LCLAT1: variants seen among roughly 807,000 people sequenced by gnomAD.
The protein encoded by LCLAT1 is 1-AGP acyltransferase 8.
LCLAT1 carries 11 observed loss-of-function variants against 30.7 expected under a neutral mutation model. That is an observed-to-expected ratio of 0.36 (90% CI 0.23 to 0.59). The LOEUF (loss-of-function observed/expected upper bound fraction) is 0.59. LCLAT1 is among the 20% of genes least tolerant of loss of function. The pLI, the probability that LCLAT1 is intolerant of heterozygous loss-of-function variation, is 0.77. For synonymous variants in LCLAT1, 155 were observed against 151.3 expected (o/e 1.02, Z -0.18); for missense variants, 402 against 458.6 (o/e 0.88, Z 1.13).
chr2:30,584,866 C>T (rs1174258873), intron 5 of LCLAT1, among the ~76,000 whole-genome samples: 3 of 149,454 alleles, frequency 2.0e-5, no homozygotes, highest in East Asian at 2.0e-4. Context: ...TCCTTTGTGC[C>T]GGTGATTTGG....
intron 3 of LCLAT1, among the ~76,000 whole-genome samples, chr2:30,543,019 G>A (rs1664222043): frequency 7.0e-6 from 1 of 143,068 alleles, no homozygotes; most frequent in African/African-American, 2.6e-5. Flanking sequence ...TAGAAGTGTT[G>A]AGGGCAGACA....
At chr2:30,470,896 T>TTTTA (rs1175336993) in intron 1 of LCLAT1, among the ~76,000 whole-genome samples, 6 of 151,560 alleles carry the variant, frequency 4.0e-5, no homozygotes, top group Non-Finnish European at 7.4e-5. Flanking sequence ...TTTATTTTCA[T>TTTTA]TTTATTTATT....
chr2:30,523,471 A>G (rs1440225457), intron 1 of LCLAT1, among the ~76,000 whole-genome samples: 5 of 152,124 alleles, frequency 3.3e-5, no homozygotes, highest in Admixed American at 1.3e-4. Context: ...CCACTTCTTT[A>G]AAGTTTAGGT....
At chr2:30,520,027 C>G (rs1017710365) in intron 1 of LCLAT1, among the ~76,000 whole-genome samples, 5 of 152,196 alleles carry the variant, frequency 3.3e-5, no homozygotes, top group Non-Finnish European at 5.9e-5. Flanking sequence ...TTCTGTGCGG[C>G]TAAGTGCGCG....
At chr2:30,489,693 G>A (rs1214189488) in intron 1 of LCLAT1, among the ~76,000 whole-genome samples, 1 of 152,182 alleles carries the variant, frequency 6.6e-6, no homozygotes, top group Admixed American at 6.5e-5. Flanking sequence ...TGGGGAAAGA[G>A]CCTATTCTGT....
intron 1 of LCLAT1, among the ~76,000 whole-genome samples, chr2:30,487,395 C>G (rs541087925): frequency 6.6e-6 from 1 of 152,150 alleles, no homozygotes; most frequent in Non-Finnish European, 1.5e-5. Context: ...TTGAAACAAA[C>G]ATAAAATAGT....
At chr2:30,520,430 C>T (rs1160189169) in intron 1 of LCLAT1, among the ~76,000 whole-genome samples, 2 of 152,160 alleles carry the variant, frequency 1.3e-5, no homozygotes, top group Non-Finnish European at 2.9e-5. Flanking sequence ...TAATACATGG[C>T]TTGAAAAGGA....
At chr2:30,494,078 C>A (rs1449615182) in intron 1 of LCLAT1, among the ~76,000 whole-genome samples, 10 of 151,728 alleles carry the variant, frequency 6.6e-5, no homozygotes, top group African/African-American at 2.4e-4. Context: ...AATAATTGGC[C>A]AGGTTATGAT....
rs757262164 is a variant in LCLAT1 at position 30,568,106 on chromosome 2, T to G, written c.558T>G (p.Leu186=). The G allele has an allele frequency of 1.2e-6, 2 of 1,609,578 alleles. No homozygotes were observed. Among genetic ancestry groups the G allele is most frequent in the South Asian group, 1.1e-5 (1 of 90,136 alleles). The part of the protein sequence containing the change: ...RSNAFAEKNG[L]QKYEYVLHPR... ...ATGCATTTGCTGAAAAAAATGGACTTCAGAAATATGAATATGTTTTACATC... is the reference window on the plus strand; with the variant it reads ...ATGCATTTGCTGAAAAAAATGGACTGCAGAAATATGAATATGTTTTACATC... The change falls in exon 5 of 6, where the codon CTT becomes CTG. Residue 186 remains leucine, a synonymous_variant. Transcript: ENST00000379509.
At chr2:30,463,331 G>C (rs1400038791) in intron 1 of LCLAT1, among the ~76,000 whole-genome samples, 1 of 151,604 alleles carries the variant, frequency 6.6e-6, no homozygotes, top group East Asian at 1.9e-4. Context: ...TTGAAAACAT[G>C]GTTTCTATTA....
At chr2:30,567,805 C>T (rs1380188599) in intron 4 of LCLAT1, among the ~76,000 whole-genome samples, 1 of 152,154 alleles carries the variant, frequency 6.6e-6, no homozygotes, top group African/African-American at 2.4e-5. Flanking sequence ...ACCTGCTTTC[C>T]CTCCCACCAA....
chr2:30,578,697 T>C (rs972047279), intron 5 of LCLAT1, among the ~76,000 whole-genome samples: 8 of 152,300 alleles, frequency 5.3e-5, no homozygotes, highest in African/African-American at 1.9e-4. Context: ...GTCATTATTA[T>C]AGAAGATCTA....
chr2:30,513,383 A>G (rs2148361943), intron 1 of LCLAT1, among the ~76,000 whole-genome samples: 1 of 152,128 alleles, frequency 6.6e-6, no homozygotes, highest in Non-Finnish European at 1.5e-5. Flanking sequence ...AAAAATGGGG[A>G]ATTTCTAGGG....
At chr2:30,628,725 G>A (rs1210666548) in intron 5 of LCLAT1, among the ~76,000 whole-genome samples, 2 of 152,104 alleles carry the variant, frequency 1.3e-5, no homozygotes, top group African/African-American at 2.4e-5. Flanking sequence ...GGAGAAACGA[G>A]GAGTTGTTTT....
rs145598984 is a variant in LCLAT1, at chr2:30,556,832, G to A, written c.365-5314G>A. Among the ~76,000 whole-genome samples the A allele has an allele frequency of 3.2e-4, 46 of 146,024 alleles. No homozygotes were observed. The East Asian group carries it at 8.8e-3, about 28-fold the overall frequency. ...ACGATCTCGGCGCACTGCAACCTCC[G>A]CCTCCCGGGTTCAAGCGATCTCCTG... On this transcript the variant is annotated intron_variant, in intron 3 of 5. Coordinates refer to ENST00000379509, the MANE Select transcript of LCLAT1 (RefSeq NM_001002257.3).
At chr2:30,532,381 T>C (rs1348138258) in intron 2 of LCLAT1, among the ~76,000 whole-genome samples, 1 of 152,180 alleles carries the variant, frequency 6.6e-6, no homozygotes, top group Non-Finnish European at 1.5e-5. Flanking sequence ...AACTAGTAAA[T>C]TTGTTACATG....
intron 3 of LCLAT1, among the ~76,000 whole-genome samples, chr2:30,560,365 C>T (rs1665149927): frequency 6.6e-6 from 1 of 150,502 alleles, no homozygotes; most frequent in South Asian, 2.1e-4. Flanking sequence ...GCTCCATTGC[C>T]CAACTATGTT....
intron 3 of LCLAT1, among the ~76,000 whole-genome samples, chr2:30,533,719 G>T (rs561534644): frequency 6.6e-6 from 1 of 152,160 alleles, no homozygotes; most frequent in African/African-American, 2.4e-5. Context: ...ATGTAGGTTC[G>T]AAGCATTCAT....
At chr2:30,528,217 A>C (rs1450979052) in intron 2 of LCLAT1, among the ~76,000 whole-genome samples, 2 of 152,212 alleles carry the variant, frequency 1.3e-5, no homozygotes, top group Non-Finnish European at 2.9e-5. Context: ...AATCTGGGAA[A>C]TGTCTTTTTT....
Sources: gnomAD v4.1 joint callset for allele counts (sites outside exome capture counted in the v4.1 genomes callset) on GRCh38, gnomAD v4.1.1 for gene constraint, MANE v1.5 for transcripts, NCBI Gene and HGNC (gene_info 2026-07-23, HGNC 2026-07-21) for gene names.